Variants in PDE11A observed in about 807,000 individuals in gnomAD.
PDE11A encodes the protein dual 3',5'-cyclic-AMP and -GMP phosphodiesterase 11A.
Under a neutral mutation model 100.5 loss-of-function variants are expected in PDE11A, and 100 were observed. That is an observed-to-expected ratio of 1.00 (90% CI 0.85 to 1.18). PDE11A has a LOEUF of 1.18. Among genes scored for constraint, PDE11A ranks in the 50% most tolerant of loss-of-function variants. PDE11A has a pLI of 0.00. For missense variants in PDE11A, 1,141 were observed against 1,152.6 expected (o/e 0.99, Z 0.15); for synonymous variants, 381 against 420.8 (o/e 0.91, Z 1.16).
At position 178,026,206 on chromosome 2, in the gene PDE11A, G is replaced by A. The variant is rs146929810; in HGVS notation, c.913-11746C>T. On this transcript the variant is annotated intron_variant, in intron 1 of 19. Coordinates refer to ENST00000286063, the MANE Select transcript of PDE11A (RefSeq NM_016953.4). ...GGCCCAAAAATGTAACTGATATGTA[G>A]GCAGCTATCTCAATCAAATGCTGAT... is the stretch of plus-strand genomic sequence containing the variant. Among the ~76,000 whole-genome samples the A allele has an allele frequency of 3.3e-3, 498 of 152,244 alleles. 1 individual carries two copies. The highest frequency in any genetic ancestry group is 4.9e-3 in the Non-Finnish European group (335 of 68,010).
intron 1 of PDE11A, among the ~76,000 whole-genome samples, chr2:178,044,126 A>G (rs2086715717): frequency 6.6e-6 from 1 of 152,146 alleles, no homozygotes; most frequent in Non-Finnish European, 1.5e-5. Flanking sequence ...ATGATTAAAT[A>G]TATTAGCAAA....
At chr2:177,681,568 AAAGCATGTAGC>A (rs2080865211) in intron 15 of PDE11A, among the ~76,000 whole-genome samples, 1 of 152,196 alleles carries the variant, frequency 6.6e-6, no homozygotes, top group South Asian at 2.1e-4. Flanking sequence ...TGACATGTGG[AAAGCATGTAGC>A]ATAGTGTCTC....
intron 13 of PDE11A, among the ~76,000 whole-genome samples, chr2:177,706,467 A>G (rs1432194809): frequency 2.0e-5 from 3 of 152,238 alleles, no homozygotes; most frequent in African/African-American, 7.2e-5. Flanking sequence ...AAAAAACAAG[A>G]AAAGAAGATA....
upstream of PDE11A, among the ~76,000 whole-genome samples, chr2:178,074,515 G>A (rs1559063801): frequency 6.6e-6 from 1 of 152,164 alleles, no homozygotes; most frequent in African/African-American, 2.4e-5. Context: ...GAGCTTCTCA[G>A]GGAAGTGAGA....
At chr2:177,930,942 T>A (rs2085197346) in intron 2 of PDE11A, among the ~76,000 whole-genome samples, 1 of 152,066 alleles carries the variant, frequency 6.6e-6, no homozygotes, top group South Asian at 2.1e-4. Context: ...ATGCAGGGAG[T>A]CTTGCACTGT....
At chr2:177,857,414 A>T (rs903587522) in intron 5 of PDE11A, among the ~76,000 whole-genome samples, 1 of 152,060 alleles carries the variant, frequency 6.6e-6, no homozygotes, top group African/African-American at 2.4e-5. Flanking sequence ...GTATAAATGT[A>T]TGTTTGTAAC....
chr2:177,830,698 T>C (rs978923547), intron 6 of PDE11A, among the ~76,000 whole-genome samples: 12 of 150,928 alleles, frequency 8.0e-5, no homozygotes, highest in African/African-American at 2.9e-4. Context: ...TTTGCTGCAA[T>C]AGAAAATTAA....
upstream of PDE11A, among the ~76,000 whole-genome samples, chr2:178,076,759 G>A (rs1331965349): frequency 6.6e-6 from 1 of 152,202 alleles, no homozygotes; most frequent in African/African-American, 2.4e-5. Flanking sequence ...CAATTCTGTA[G>A]GTTAACTAGT....
At chr2:178,006,656 C>G (rs960121813) in intron 2 of PDE11A, among the ~76,000 whole-genome samples, 2 of 151,806 alleles carry the variant, frequency 1.3e-5, no homozygotes, top group Non-Finnish European at 1.5e-5. Flanking sequence ...ATTTATAGCC[C>G]TGAAAGAACA....
At chr2:178,077,200 A>T (rs532270316), upstream of PDE11A, among the ~76,000 whole-genome samples, 27 of 151,468 alleles carry the variant, frequency 1.8e-4, no homozygotes, top group Non-Finnish European at 3.2e-4. Context: ...TCATCCAACA[A>T]TTCACCAAAC....
chr2:177,648,342 G>A (rs950263873), intron 19 of PDE11A, among the ~76,000 whole-genome samples: 6 of 142,454 alleles, frequency 4.2e-5, no homozygotes, highest in African/African-American at 1.2e-4. Context: ...AAGTTTGTTT[G>A]TGTAGGCACA....
chr2:177,886,378 T>C (rs979714207), intron 4 of PDE11A, among the ~76,000 whole-genome samples: 1 of 152,202 alleles, frequency 6.6e-6, no homozygotes, highest in African/African-American at 2.4e-5. Flanking sequence ...AGAACAGCAT[T>C]CCTCATTTCT....
At chr2:177,865,175 G>A (rs61490901) in intron 5 of PDE11A, among the ~76,000 whole-genome samples, 3,412 of 152,180 alleles carry the variant, frequency 0.022, 60 homozygotes, top group East Asian at 0.075. Flanking sequence ...CTACTCAGGA[G>A]GGTGAGGCAG....
intron 1 of PDE11A, chr2:178,018,307 G>T: frequency 2.4e-6 from 1 of 408,820 alleles, no homozygotes; most frequent in South Asian, 2.0e-5. Context: ...CTAAGACTTT[G>T]AACAAGTTGT....
intron 1 of PDE11A, among the ~76,000 whole-genome samples, chr2:178,016,131 A>ATTTTTTTTTTTTTTTTTTTTT (rs55638601): frequency 3.6e-5 from 3 of 83,744 alleles, no homozygotes; most frequent in Non-Finnish European, 2.1e-5. Context: ...TGCCTGGCTA[A>ATTTTTTTTTTTTTTTTTTTTT]TTTTTTTTTT....
intron 15 of PDE11A, among the ~76,000 whole-genome samples, chr2:177,685,407 C>T (rs1027884809): frequency 1.3e-5 from 2 of 152,152 alleles, no homozygotes; most frequent in African/African-American, 4.8e-5. Context: ...CCATTTCCAT[C>T]CAATATCTGA....
chr2:178,060,462 A>G (rs2086953728), intron 1 of PDE11A, among the ~76,000 whole-genome samples: 2 of 151,910 alleles, frequency 1.3e-5, no homozygotes, highest in Admixed American at 6.6e-5. Flanking sequence ...ACTGAGCCCA[A>G]ACAAAGTGAC....
intron 9 of PDE11A, among the ~76,000 whole-genome samples, chr2:177,771,329 C>T (rs1375077947): frequency 1.3e-5 from 2 of 152,218 alleles, no homozygotes; most frequent in African/African-American, 4.8e-5. Context: ...TGGTAACATT[C>T]AACCTAATAA....
intron 15 of PDE11A, chr2:177,683,442 G>T (rs921527353): frequency 3.3e-5 from 5 of 152,170 alleles, no homozygotes; most frequent in Non-Finnish European, 7.3e-5. Flanking sequence ...ACCAATGGTC[G>T]TGCCTTTTTC....
Sources: gnomAD v4.1 joint callset for allele counts (sites outside exome capture counted in the v4.1 genomes callset) on GRCh38, gnomAD v4.1.1 for gene constraint, MANE v1.5 for transcripts, NCBI Gene and HGNC (gene_info 2026-07-23, HGNC 2026-07-21) for gene names.